Variants in FREM2 observed in about 807,000 individuals in gnomAD.
FREM2 encodes FRAS1 related extracellular matrix 2.
Under a neutral mutation model 219.9 loss-of-function variants are expected in FREM2, and 119 were observed. The observed-to-expected ratio is 0.54, with a 90% CI of 0.47 to 0.63. FREM2 has a LOEUF of 0.63. FREM2 is among the 30% of genes least tolerant of loss of function. The pLI, the probability that FREM2 is intolerant of heterozygous loss-of-function variation, is 0.00. For missense variants in FREM2, 4,030 were observed against 3,993.6 expected (o/e 1.01, Z -0.25); for synonymous variants, 1,562 against 1,522.8 (o/e 1.03, Z -0.60).
intron 15 of FREM2, among the ~76,000 whole-genome samples, chr13:38,863,974 A>C (rs1011298856): frequency 2.0e-5 from 3 of 152,168 alleles, no homozygotes; most frequent in Non-Finnish European, 4.4e-5. Flanking sequence ...CTGGGATTAC[A>C]GGCACCCGCC....
At chr13:38,719,784 G>T (rs1871151105) in intron 2 of FREM2, among the ~76,000 whole-genome samples, 1 of 152,120 alleles carries the variant, frequency 6.6e-6, no homozygotes, top group Non-Finnish European at 1.5e-5. Flanking sequence ...CACCCTACTT[G>T]TTGGATATGA....
chr13:38,689,256 C>T lies in FREM2; in HGVS notation c.1912C>T (p.Arg638Ter), dbSNP rs1869679772. 1.9e-6 allele frequency: 3 copies of T among 1,614,028 alleles called. No individual in the cohort carries two copies. The highest frequency in any genetic ancestry group is 2.2e-5 in the East Asian group (1 of 44,872). Residue 638 changes from arginine to a stop codon, truncating the protein, a stop_gained, in exon 1 of 24, where the codon CGA (arginine) becomes TGA (stop). Transcript: ENST00000280481. LOFTEE classifies it high-confidence loss of function. ...LWRKEGAFYE[R>*]TVTEWQQQDI... ...GAGGAAGGAGGGGGCATTTTATGAG[C>T]GAACAGTGACAGAGTGGCAGCAGCA... is the stretch of plus-strand genomic sequence containing the variant.
At chr13:38,750,699 C>CTT (rs1236772621) in intron 2 of FREM2, among the ~76,000 whole-genome samples, 1 of 145,784 alleles carries the variant, frequency 6.9e-6, no homozygotes, top group Non-Finnish European at 1.5e-5. Flanking sequence ...CTGTTTTCTT[C>CTT]TTTTTTTTTT....
Position 38,688,358 on chromosome 13 carries a change from G to A in FREM2, c.1014G>A (p.Leu338=). Residue 338 remains leucine (L), a synonymous_variant, in exon 1 of 24, where the codon CTG becomes CTA. Coordinates refer to ENST00000280481, the MANE Select transcript of FREM2 (RefSeq NM_207361.6). ...TGGACCAGTTTGTACTGACGGCCCT[G>A]ACCCCAGACATGCTGGCAGCCGAGG... ...MEVDQFVLTA[L]TPDMLAAEDA... The A allele has an allele frequency of 6.2e-7, 1 of 1,614,174 alleles. No homozygotes were observed. Among genetic ancestry groups the A allele is most frequent in the East Asian group, 2.2e-5 (1 of 44,864 alleles).
intron 12 of FREM2, 60 bp from the exon 13 acceptor site, chr13:38,857,815 G>T (rs1244250489): frequency 3.6e-6 from 5 of 1,390,882 alleles, no homozygotes; most frequent in Non-Finnish European, 5.1e-6. Context: ...TGTTCTGTGT[G>T]GTAGAAGCAT....
intron 2 of FREM2, among the ~76,000 whole-genome samples, chr13:38,735,025 C>T (rs961632291): frequency 1.3e-5 from 2 of 152,100 alleles, no homozygotes; most frequent in Non-Finnish European, 1.5e-5. Context: ...GGATTACAGG[C>T]GTGAGCCACT....
At chr13:38,750,234 T>C (rs1191316168) in intron 2 of FREM2, among the ~76,000 whole-genome samples, 3 of 152,058 alleles carry the variant, frequency 2.0e-5, no homozygotes, top group African/African-American at 4.8e-5. Context: ...TTCCCACGTG[T>C]TGTGGGAGGG....
intron 6 of FREM2, among the ~76,000 whole-genome samples, chr13:38,799,047 G>C (rs187168829): frequency 6.6e-5 from 10 of 151,648 alleles, no homozygotes; most frequent in African/African-American, 2.2e-4. Flanking sequence ...TTGCTTTTTG[G>C]TTCCCTGAGG....
chr13:38,817,798 A>G (rs1875827511), intron 6 of FREM2, among the ~76,000 whole-genome samples: 1 of 152,182 alleles, frequency 6.6e-6, no homozygotes, highest in Non-Finnish European at 1.5e-5. Flanking sequence ...AAATATTTGC[A>G]AACTATAGAT....
intron 2 of FREM2, among the ~76,000 whole-genome samples, chr13:38,760,140 A>G (rs554245100): frequency 6.6e-6 from 1 of 152,182 alleles, no homozygotes; most frequent in African/African-American, 2.4e-5. Flanking sequence ...CTAGTTAAGT[A>G]TCTGTTTCAT....
chr13:38,824,298 C>T (rs905768693), intron 6 of FREM2, among the ~76,000 whole-genome samples: 5 of 152,018 alleles, frequency 3.3e-5, no homozygotes, highest in African/African-American at 1.2e-4. Flanking sequence ...CCATATTGCT[C>T]GGTGTCTAAT....
intron 14 of FREM2, among the ~76,000 whole-genome samples, chr13:38,861,062 A>G (rs960833569): frequency 6.6e-6 from 1 of 152,228 alleles, no homozygotes; most frequent in Non-Finnish European, 1.5e-5. Context: ...AACTACACTT[A>G]CTTTTATCCT....
At chr13:38,818,121 T>C (rs1875841250) in intron 6 of FREM2, among the ~76,000 whole-genome samples, 1 of 152,152 alleles carries the variant, frequency 6.6e-6, no homozygotes, top group Non-Finnish European at 1.5e-5. Flanking sequence ...GAATACAGTA[T>C]GGCGGTTCCT....
chr13:38,712,893 A>G (rs994175191), intron 2 of FREM2, among the ~76,000 whole-genome samples: 5 of 152,172 alleles, frequency 3.3e-5, no homozygotes, highest in African/African-American at 9.7e-5. Context: ...TTTAATTCTC[A>G]TAGTAATTAA....
chr13:38,862,310 T>C (rs920361258), intron 15 of FREM2, among the ~76,000 whole-genome samples: 2 of 152,204 alleles, frequency 1.3e-5, no homozygotes, highest in African/African-American at 4.8e-5. Flanking sequence ...GAGATTTTTC[T>C]GGGGATTGGA....
chr13:38,860,459 T>G (rs1418790024), intron 14 of FREM2, among the ~76,000 whole-genome samples: 1 of 152,212 alleles, frequency 6.6e-6, no homozygotes, highest in Non-Finnish European at 1.5e-5. Flanking sequence ...ATCATCTATT[T>G]GCACACCGCA....
At chr13:38,744,304 G>A (rs1245627466) in intron 2 of FREM2, among the ~76,000 whole-genome samples, 1 of 144,918 alleles carries the variant, frequency 6.9e-6, no homozygotes. Context: ...TCCAACTCCT[G>A]AGCTCAAGTG....
chr13:38,820,454 C>T (rs1875997927), intron 6 of FREM2, among the ~76,000 whole-genome samples: 1 of 152,008 alleles, frequency 6.6e-6, no homozygotes, highest in Non-Finnish European at 1.5e-5. Flanking sequence ...TTTATAGGAA[C>T]CTCAAGATCT....
At chr13:38,707,969 A>G (rs963376562) in intron 2 of FREM2, among the ~76,000 whole-genome samples, 1 of 152,200 alleles carries the variant, frequency 6.6e-6, no homozygotes, top group African/African-American at 2.4e-5. Flanking sequence ...TGCTAAATCC[A>G]GGCAGCTTTC....
Sources: gnomAD v4.1 joint callset for allele counts (sites outside exome capture counted in the v4.1 genomes callset) on GRCh38, gnomAD v4.1.1 for gene constraint, MANE v1.5 for transcripts, NCBI Gene and HGNC (gene_info 2026-07-23, HGNC 2026-07-21) for gene names.